Variants in ADARB2 observed in about 807,000 individuals in gnomAD.
The protein encoded by ADARB2 is adenosine deaminase RNA specific B2 (inactive).
In ADARB2, 25 loss-of-function variants were observed where a neutral mutation model predicts 62.2. The ratio of observed to expected loss-of-function variants is 0.40; its 90% CI spans 0.29 to 0.56. ADARB2 has a LOEUF of 0.56. Ranked by LOEUF, ADARB2 falls within the 20% of genes least tolerant of loss-of-function variation. The pLI is 0.43. For missense variants in ADARB2, 1,071 were observed against 1,077.4 expected (o/e 0.99, Z 0.08); for synonymous variants, 572 against 500.8 (o/e 1.14, Z -1.90).
intron 1 of ADARB2, among the ~76,000 whole-genome samples, chr10:1,599,554 A>G (rs545074367): frequency 6.6e-6 from 1 of 152,248 alleles, no homozygotes; most frequent in East Asian, 1.9e-4. Context: ...GTTAATTAAT[A>G]TTTTAATACA....
At chr10:1,723,277 A>G (rs1835119526) in intron 1 of ADARB2, among the ~76,000 whole-genome samples, 1 of 152,168 alleles carries the variant, frequency 6.6e-6, no homozygotes, top group South Asian at 2.1e-4. Flanking sequence ...TGCCCAGAGA[A>G]CATCTGCTCC....
At chr10:1,318,014 T>C (rs1831756347) in intron 3 of ADARB2, among the ~76,000 whole-genome samples, 1 of 152,172 alleles carries the variant, frequency 6.6e-6, no homozygotes, top group African/African-American at 2.4e-5. Context: ...ACACTAACAT[T>C]AGGAGAAGGC....
chr10:1,580,105 TCTTA>T (rs1482936979), intron 1 of ADARB2, among the ~76,000 whole-genome samples: 27 of 152,222 alleles, frequency 1.8e-4, no homozygotes, highest in Non-Finnish European at 3.4e-4. Flanking sequence ...CAGATTTCTT[TCTTA>T]TTTTTAAAAA....
At chr10:1,271,608 GCA>G (rs1250403744) in intron 3 of ADARB2, among the ~76,000 whole-genome samples, 3 of 152,176 alleles carry the variant, frequency 2.0e-5, no homozygotes, top group Admixed American at 6.5e-5. Context: ...GGGCACACGT[GCA>G]CACACGAATA....
At chr10:1,589,759 C>T (rs958398168) in intron 1 of ADARB2, among the ~76,000 whole-genome samples, 9 of 152,336 alleles carry the variant, frequency 5.9e-5, no homozygotes, top group Admixed American at 4.6e-4. Flanking sequence ...CCACAACCTC[C>T]GCTTCCTGAG....
chr10:1,211,597 G>A (rs1210434141), intron 7 of ADARB2, among the ~76,000 whole-genome samples: 3 of 152,178 alleles, frequency 2.0e-5, no homozygotes, highest in Admixed American at 2.0e-4. Context: ...TTCTGGACGA[G>A]ACCATGGTAT....
chr10:1,571,460 A>G (rs1832932178), intron 1 of ADARB2, among the ~76,000 whole-genome samples: 1 of 152,264 alleles, frequency 6.6e-6, no homozygotes. Context: ...AGTTGTTCAA[A>G]GCAAAATCAC....
At position 1,602,253 on chromosome 10, in the gene ADARB2, G is replaced by A. The variant is rs754909925; in HGVS notation, c.100+134798C>T. ...CACCACGGGTGGTCAGGCCAGTAGG[G>A]TGGAGGAGCCGCTTCCCGAGGTTCC... is the stretch of plus-strand genomic sequence containing the variant. On this transcript the variant is annotated intron_variant, in intron 1 of 9. Transcript: ENST00000381312. Among the ~76,000 whole-genome samples the A allele has an allele frequency of 2.0e-4, 30 of 152,310 alleles. No individual in the cohort carries two copies. The Middle Eastern group carries it at 0.01, about 52-fold the overall frequency.
chr10:1,642,936 C>A (rs1259059821), intron 1 of ADARB2, among the ~76,000 whole-genome samples: 1 of 152,222 alleles, frequency 6.6e-6, no homozygotes, highest in African/African-American at 2.4e-5. Context: ...AACCTCCACC[C>A]CGCGGCCCCC....
intron 1 of ADARB2, among the ~76,000 whole-genome samples, chr10:1,563,201 A>G (rs1284634935): frequency 3.9e-5 from 6 of 151,982 alleles, no homozygotes; most frequent in African/African-American, 1.2e-4. Flanking sequence ...GGTCCCTCTA[A>G]GGTGCTGACC....
intron 8 of ADARB2, among the ~76,000 whole-genome samples, chr10:1,189,110 GA>G (rs754054818): frequency 2.5e-4 from 38 of 152,124 alleles, no homozygotes; most frequent in Non-Finnish European, 4.6e-4. Flanking sequence ...CCTGTCCTGG[GA>G]TGTCTCCTGA....
At position 1,481,836 on chromosome 10, in the gene ADARB2, G is replaced by A. The variant is rs186246201; in HGVS notation, c.101-102676C>T. Among the ~76,000 whole-genome samples the A allele has an allele frequency of 2.5e-4, 34 of 134,186 alleles. No individual in the cohort carries two copies. The South Asian group carries it at 3.5e-3, about 14-fold the overall frequency. 88.0% of individuals were successfully genotyped at this position (134,186 alleles called of 152,430 possible). On this transcript the variant is annotated intron_variant, in intron 1 of 9. Coordinates refer to ENST00000381312, the MANE Select transcript of ADARB2 (RefSeq NM_018702.4). ...TGTGCCACTGCACTCCAGCCTGGAC[G>A]ACAGAGTGAGACTCCATCTCAAAAA...
rs935771311 is a variant in ADARB2, at chr10:1,293,839, T to G, written c.1078-22770A>C. ...TTGCCTAAAACCATGTCCAACCTTT[T>G]CAGCAGAAAGTCCAGATGGCTTTGC... is the stretch of plus-strand genomic sequence containing the variant. On this transcript the variant is annotated intron_variant, in intron 3 of 9. Transcript: ENST00000381312. Among the ~76,000 whole-genome samples the G allele has an allele frequency of 4.3e-4, 66 of 152,288 alleles. 1 individual carries two copies. The highest frequency in any genetic ancestry group is 4.0e-3 in the Admixed American group (61 of 15,292).
chr10:1,598,769 G>C (rs566131598), intron 1 of ADARB2, among the ~76,000 whole-genome samples: 3 of 152,376 alleles, frequency 2.0e-5, no homozygotes, highest in Non-Finnish European at 4.4e-5. Flanking sequence ...AAGCAAGCCA[G>C]GGAGAGCCCT....
At chr10:1,326,844 CA>C (rs1831856913) in intron 3 of ADARB2, among the ~76,000 whole-genome samples, 1 of 91,412 alleles carries the variant, frequency 1.1e-5, no homozygotes, top group African/African-American at 4.1e-5. Context: ...CCCCACGGCC[CA>C]GCGCCTCCCC....
chr10:1,282,346 G>A (rs1448194962), intron 3 of ADARB2, among the ~76,000 whole-genome samples: 1 of 152,166 alleles, frequency 6.6e-6, no homozygotes, highest in Non-Finnish European at 1.5e-5. Context: ...CATTTCCCCA[G>A]TGAAGCCCTT....
intron 1 of ADARB2, among the ~76,000 whole-genome samples, chr10:1,461,630 T>G (rs1831176132): frequency 2.0e-5 from 3 of 152,132 alleles, no homozygotes; most frequent in African/African-American, 7.2e-5. Context: ...TACATGATTG[T>G]CCCAATTAAG....
chr10:1,375,381 C>G (rs2131857566), intron 2 of ADARB2, among the ~76,000 whole-genome samples: 1 of 152,310 alleles, frequency 6.6e-6, no homozygotes, highest in South Asian at 2.1e-4. Flanking sequence ...CCAGACCAGC[C>G]TGTGGGTGAT....
chr10:1,530,938 C>G (rs915273425), intron 1 of ADARB2, among the ~76,000 whole-genome samples: 1 of 151,292 alleles, frequency 6.6e-6, no homozygotes, highest in Non-Finnish European at 1.5e-5. Flanking sequence ...ACCCAGCACT[C>G]AGGTCTCAGT....
Sources: allele counts gnomAD v4.1 joint callset (sites outside exome capture counted in the v4.1 genomes callset), GRCh38; gene constraint gnomAD v4.1.1; transcripts MANE v1.5; gene names NCBI Gene and HGNC (gene_info 2026-07-23, HGNC 2026-07-21).